Variants in GLG1 observed in about 807,000 individuals in gnomAD.
GLG1 encodes the protein Golgi apparatus protein 1.
A neutral mutation model predicts 160.5 loss-of-function variants in GLG1; 38 were observed. That is an observed-to-expected ratio of 0.24 (90% CI 0.18 to 0.31). The LOEUF is 0.31. GLG1 is among the 10% of genes least tolerant of loss of function. The pLI is 1.00. For missense variants in GLG1, 1,373 were observed against 1,505.2 expected (o/e 0.91, Z 1.45); for synonymous variants, 644 against 543.4 (o/e 1.19, Z -2.57).
chr16:74,596,072 C>T (rs1334016201), intron 1 of GLG1, among the ~76,000 whole-genome samples: 2 of 151,658 alleles, frequency 1.3e-5, no homozygotes, highest in East Asian at 2.0e-4. Context: ...GCCCCTTATA[C>T]GTGAAAGTGG....
chr16:74,542,968 T>A (rs1318595574), intron 1 of GLG1, among the ~76,000 whole-genome samples: 3 of 152,106 alleles, frequency 2.0e-5, no homozygotes, highest in Non-Finnish European at 2.9e-5. Flanking sequence ...GATGTAAGAT[T>A]ACATGATGCA....
At chr16:74,489,163 G>A (rs534950955) in intron 8 of GLG1, among the ~76,000 whole-genome samples, 57 of 152,142 alleles carry the variant, frequency 3.7e-4, no homozygotes, top group African/African-American at 1.3e-3. Context: ...TACTACAAGT[G>A]TAGCCTCAGT....
At chr16:74,502,392 T>G (rs1335727536) in intron 4 of GLG1, among the ~76,000 whole-genome samples, 2 of 152,246 alleles carry the variant, frequency 1.3e-5, no homozygotes, top group Non-Finnish European at 2.9e-5. Flanking sequence ...TTTTCTTTCC[T>G]GTCTTTACTA....
At chr16:74,582,432 C>T (rs998053562) in intron 1 of GLG1, among the ~76,000 whole-genome samples, 5 of 152,146 alleles carry the variant, frequency 3.3e-5, no homozygotes, top group Non-Finnish European at 5.9e-5. Flanking sequence ...TCCCAAGGTG[C>T]TGGGATTTCC....
At chr16:74,574,216 T>A (rs1324675416) in intron 1 of GLG1, among the ~76,000 whole-genome samples, 1 of 152,234 alleles carries the variant, frequency 6.6e-6, no homozygotes, top group African/African-American at 2.4e-5. Context: ...TTATTTCCCA[T>A]CAACAGGATA....
chr16:74,569,861 C>CA (rs77923851), intron 1 of GLG1, among the ~76,000 whole-genome samples: 89 of 76,252 alleles, frequency 1.2e-3, no homozygotes, highest in South Asian at 5.0e-3. Context: ...AACTCCAACT[C>CA]AAAAAAAAAA....
chr16:74,563,319 C>G (rs1456267587), intron 1 of GLG1: 1 of 152,208 alleles, frequency 6.6e-6, no homozygotes, highest in African/African-American at 2.4e-5. Flanking sequence ...TCCTTTTAAC[C>G]TACATCAGAG....
At chr16:74,537,432 T>C (rs542201749) in intron 1 of GLG1, among the ~76,000 whole-genome samples, 5 of 151,522 alleles carry the variant, frequency 3.3e-5, no homozygotes, top group Admixed American at 2.0e-4. Flanking sequence ...TAGTTAGCAA[T>C]AGAAGTGTGT....
At chr16:74,512,333 G>A (rs759334513) in intron 2 of GLG1, among the ~76,000 whole-genome samples, 3 of 148,240 alleles carry the variant, frequency 2.0e-5, no homozygotes, top group East Asian at 4.0e-4. Context: ...GTGTGATCTC[G>A]GCTCACTGCA....
At chr16:74,529,808 A>AGT (rs758234073) in intron 2 of GLG1, among the ~76,000 whole-genome samples, 6 of 84,278 alleles carry the variant, frequency 7.1e-5, no homozygotes, top group Non-Finnish European at 1.3e-4. Context: ...GCTCTTTGAG[A>AGT]GTTCTTTTTT....
chr16:74,579,328 T>C (rs1193048219), intron 1 of GLG1, among the ~76,000 whole-genome samples: 1 of 147,796 alleles, frequency 6.8e-6, no homozygotes, highest in Non-Finnish European at 1.5e-5. Context: ...GACAGGAGGA[T>C]CACCTGAGCC....
chr16:74,565,229 T>C (rs553941097), intron 1 of GLG1, among the ~76,000 whole-genome samples: 4 of 152,098 alleles, frequency 2.6e-5, no homozygotes, highest in Non-Finnish European at 5.9e-5. Flanking sequence ...CTTGGGAGGC[T>C]GAGACATGAG....
At chr16:74,464,721 G>T (rs1385362524) in intron 19 of GLG1, among the ~76,000 whole-genome samples, 1 of 152,128 alleles carries the variant, frequency 6.6e-6, no homozygotes, top group Non-Finnish European at 1.5e-5. Context: ...CAGTTAAAAA[G>T]ACTTACATTC....
chr16:74,467,375 C>T (rs111277737), intron 18 of GLG1, among the ~76,000 whole-genome samples: 2 of 152,200 alleles, frequency 1.3e-5, no homozygotes, highest in South Asian at 4.1e-4. Context: ...TCTGATGTGA[C>T]GTCTAGTTAA....
intron 23 of GLG1, among the ~76,000 whole-genome samples, chr16:74,459,045 A>G (rs866909055): frequency 2.6e-5 from 4 of 152,190 alleles, no homozygotes; most frequent in Non-Finnish European, 5.9e-5. Flanking sequence ...ATCCTCCCCA[A>G]AGTTATATGG....
At chr16:74,524,849 A>C (rs2017286294) in intron 2 of GLG1, among the ~76,000 whole-genome samples, 1 of 152,180 alleles carries the variant, frequency 6.6e-6, no homozygotes, top group South Asian at 2.1e-4. Flanking sequence ...CTCTGTATCT[A>C]TTAGCAGTCA....
intron 1 of GLG1, among the ~76,000 whole-genome samples, chr16:74,581,419 AC>A (rs940547362): frequency 4.9e-4 from 75 of 152,258 alleles, no homozygotes; most frequent in African/African-American, 1.6e-3. Context: ...GATTCCACTT[AC>A]ATGGAATACC....
intron 25 of GLG1, 53 bp from the exon 26 acceptor site, chr16:74,453,387 A>G (rs533949443): frequency 8.2e-7 from 1 of 1,226,762 alleles, no homozygotes; most frequent in Non-Finnish European, 1.2e-6. Context: ...GGCTGGTGGC[A>G]GTGCTAGGTC....
intron 1 of GLG1, among the ~76,000 whole-genome samples, chr16:74,542,731 A>AGGGAGGG (rs1567513896): frequency 7.0e-5 from 7 of 99,864 alleles, no homozygotes; most frequent in Admixed American, 1.1e-4. Flanking sequence ...GGAAGGAAGG[A>AGGGAGGG]AGGGAGGAAG....
Sources: gnomAD v4.1 joint callset for allele counts (sites outside exome capture counted in the v4.1 genomes callset) on GRCh38, gnomAD v4.1.1 for gene constraint, MANE v1.5 for transcripts, NCBI Gene and HGNC (gene_info 2026-07-23, HGNC 2026-07-21) for gene names.